The following SMOC1 variants were observed in gnomAD, a reference collection of about 807,000 sequenced individuals.
The protein encoded by SMOC1 is SPARC-related modular calcium-binding protein 1.
In SMOC1, 22 loss-of-function variants were observed where a neutral mutation model predicts 56.3. That is an observed-to-expected ratio of 0.39 (90% CI 0.28 to 0.56). The LOEUF (loss-of-function observed/expected upper bound fraction) is 0.56, where lower values mean the gene tolerates loss of function less well. Ranked by LOEUF, SMOC1 falls within the 20% of genes least tolerant of loss-of-function variation. The pLI is 0.61. For missense variants in SMOC1, 509 were observed against 565.4 expected, an observed-to-expected ratio of 0.90 and a Z score of 1.01; for synonymous variants, 193 against 215.0, an observed-to-expected ratio of 0.90 and a Z score of 0.89.
At chr14:70,028,738 T>C (rs1223029214) in intron 11 of SMOC1, among the ~76,000 whole-genome samples, 2 of 152,226 alleles carry the variant, frequency 1.3e-5, no homozygotes, top group African/African-American at 4.8e-5. Context: ...GTCAGCAGCC[T>C]GACTCTGCCG....
Position 70,032,142 on chromosome 14 carries a change from G to A in SMOC1, c.*1884G>A, listed in dbSNP as rs1475652462. ...AGAGAACTCAACGTGCCGGAGCTGA[G>A]TGGGCCTTGCACGAGACACTGGCCC... On this transcript the variant is annotated 3_prime_UTR_variant, in exon 12 of 12. Transcript: ENST00000361956. The A allele has an allele frequency of 6.6e-6, 1 of 152,334 alleles. No homozygotes were observed. The highest frequency in any genetic ancestry group is 2.4e-5 in the African/African-American group (1 of 41,458). The allele number at this position is 152,334 out of a possible 1,614,324, so 9.4% of individuals were successfully genotyped here.
At chr14:69,932,932 G>A (rs983069639) in intron 1 of SMOC1, among the ~76,000 whole-genome samples, 4 of 152,106 alleles carry the variant, frequency 2.6e-5, no homozygotes, top group Non-Finnish European at 5.9e-5. Flanking sequence ...CCAACCTAGG[G>A]CAGTAGTTTT....
chr14:70,011,783 G>A lies in SMOC1; in HGVS notation c.940+216G>A, dbSNP rs560390355. 1.1e-4 allele frequency among the ~76,000 whole-genome samples: 17 copies of A among 152,310 alleles called. 1 individual carries two copies. The South Asian group carries it at 3.5e-3, about 32-fold the overall frequency. On this transcript the variant is annotated intron_variant, in intron 9 of 11. Transcript: ENST00000361956. ...CCTTGTGCCTCTTCGTCTTTATAATGCAGTCATCGGGTTAAAATCCCGTCT... is the reference window on the plus strand; with the variant it reads ...CCTTGTGCCTCTTCGTCTTTATAATACAGTCATCGGGTTAAAATCCCGTCT...
chr14:69,948,670 C>T (rs868557132), intron 1 of SMOC1, among the ~76,000 whole-genome samples: 1 of 152,164 alleles, frequency 6.6e-6, no homozygotes, highest in Non-Finnish European at 1.5e-5. Flanking sequence ...GTCTTCCTCT[C>T]CCTCTTTTTT....
intron 1 of SMOC1, chr14:69,886,181 AT>A: frequency 1.1e-6 from 1 of 927,492 alleles, no homozygotes; most frequent in South Asian, 1.4e-5. Context: ...AACAACTTCT[AT>A]ATCTGGTCCA....
intron 7 of SMOC1, among the ~76,000 whole-genome samples, chr14:70,001,570 G>A (rs1053467568): frequency 6.6e-6 from 1 of 152,062 alleles, no homozygotes; most frequent in Non-Finnish European, 1.5e-5. Flanking sequence ...GCCTGCCTCT[G>A]GAGCATACTG....
intron 1 of SMOC1, among the ~76,000 whole-genome samples, chr14:69,948,403 G>T (rs1262117764): frequency 6.6e-6 from 1 of 152,192 alleles, no homozygotes; most frequent in Non-Finnish European, 1.5e-5. Context: ...CTGAAGCTGA[G>T]AATGATCTCT....
At chr14:70,011,210 C>T (rs1160596947) in intron 8 of SMOC1, among the ~76,000 whole-genome samples, 1 of 152,140 alleles carries the variant, frequency 6.6e-6, no homozygotes, top group Non-Finnish European at 1.5e-5. Context: ...CCTTTCTAAG[C>T]CACTAGCTTC....
intron 1 of SMOC1, among the ~76,000 whole-genome samples, chr14:69,883,287 C>T (rs1883695719): frequency 6.6e-6 from 1 of 152,132 alleles, no homozygotes; most frequent in Non-Finnish European, 1.5e-5. Context: ...TTTCCCTCTC[C>T]CCTCTTCCTT....
In SMOC1 at chr14:70,030,507, T is replaced by A. The variant is rs957688660; in HGVS notation, c.*249T>A. On this transcript the variant is annotated 3_prime_UTR_variant, in exon 12 of 12. Transcript: ENST00000361956. ...CTTTATTCTCTCTCTTATTGTAAGT[T>A]TTTGGATCTGCTACTGACAACTTTT... 1 of 456,348 alleles carries A rather than the reference T, an allele frequency of 2.2e-6. No individual in the cohort carries two copies. The highest frequency in any genetic ancestry group is 3.8e-6 in the Non-Finnish European group (1 of 260,594). 28.3% of individuals were successfully genotyped at this position (456,348 alleles called of 1,614,324 possible).
intron 1 of SMOC1, among the ~76,000 whole-genome samples, chr14:69,883,224 A>G (rs1883693243): frequency 6.6e-6 from 1 of 152,134 alleles, no homozygotes; most frequent in East Asian, 1.9e-4. Flanking sequence ...GATCTCTTGA[A>G]TTTATTACTC....
chr14:69,963,548 G>T (rs748805665), intron 3 of SMOC1, among the ~76,000 whole-genome samples: 2 of 152,138 alleles, frequency 1.3e-5, no homozygotes, highest in Non-Finnish European at 2.9e-5. Flanking sequence ...GTAGAGCGGT[G>T]TGCTTGTGCT....
At chr14:69,900,575 C>T (rs1884218060) in intron 1 of SMOC1, among the ~76,000 whole-genome samples, 1 of 152,210 alleles carries the variant, frequency 6.6e-6, no homozygotes, top group Admixed American at 6.5e-5. Flanking sequence ...ACATTATTAT[C>T]ATCCCATTTT....
At chr14:69,951,840 C>T (rs974473609) in intron 1 of SMOC1, among the ~76,000 whole-genome samples, 1 of 152,214 alleles carries the variant, frequency 6.6e-6, no homozygotes, top group African/African-American at 2.4e-5. Context: ...TCCTTGTCTA[C>T]AGAATAGAGT....
At chr14:69,894,407 A>G (rs1233795745) in intron 1 of SMOC1, among the ~76,000 whole-genome samples, 1 of 152,120 alleles carries the variant, frequency 6.6e-6, no homozygotes, top group Non-Finnish European at 1.5e-5. Flanking sequence ...CTTTTAACCA[A>G]TCCCTTTGGC....
chr14:70,004,085 G>T (rs1156654236), intron 7 of SMOC1, among the ~76,000 whole-genome samples: 1 of 152,068 alleles, frequency 6.6e-6, no homozygotes, highest in Non-Finnish European at 1.5e-5. Flanking sequence ...TGTCTGGATG[G>T]CCAGAGTAGG....
chr14:69,915,190 A>G (rs537908923), intron 1 of SMOC1, among the ~76,000 whole-genome samples: 1 of 152,080 alleles, frequency 6.6e-6, no homozygotes, highest in Non-Finnish European at 1.5e-5. Context: ...CTGTCCTCAA[A>G]CTTCCAACAC....
At position 70,030,269 on chromosome 14, in the gene SMOC1, A is replaced by G. The variant is rs1886094979; in HGVS notation, c.*11A>G. The G allele has an allele frequency of 2.5e-6, 4 of 1,612,544 alleles. No individual in the cohort carries two copies. The East Asian group carries it at 8.9e-5, about 36-fold the overall frequency. ...GGACGCCTCGTCTAAGGAGCAGAAAACCCAAGGGCAGGTGGAGAGTCCAGG... is the reference window on the plus strand; with the variant it reads ...GGACGCCTCGTCTAAGGAGCAGAAAGCCCAAGGGCAGGTGGAGAGTCCAGG... On this transcript the variant is annotated 3_prime_UTR_variant, in exon 12 of 12. Coordinates refer to ENST00000361956, the MANE Select transcript of SMOC1 (RefSeq NM_001034852.3).
chr14:69,906,114 A>G (rs554107771), intron 1 of SMOC1, among the ~76,000 whole-genome samples: 2 of 152,268 alleles, frequency 1.3e-5, no homozygotes, highest in South Asian at 4.2e-4. Flanking sequence ...TTTTCCAAAG[A>G]TGGCTGGAAC....
Sources: allele counts gnomAD v4.1 joint callset (sites outside exome capture counted in the v4.1 genomes callset), GRCh38; gene constraint gnomAD v4.1.1; transcripts MANE v1.5; gene names NCBI Gene and HGNC (gene_info 2026-07-23, HGNC 2026-07-21).